The following TEC variants were observed in gnomAD, a reference collection of about 807,000 sequenced individuals.
TEC encodes the protein tyrosine-protein kinase Tec.
In TEC, 72 loss-of-function variants were observed where a neutral mutation model predicts 93.0. That is an observed-to-expected ratio of 0.77 (90% CI 0.64 to 0.94). The LOEUF (loss-of-function observed/expected upper bound fraction) is 0.94. Among genes scored for constraint, TEC ranks in the 40% least tolerant of loss-of-function variants. TEC has a pLI of 0.00. For synonymous variants in TEC, 249 were observed against 247.7 expected (o/e 1.01, Z -0.05); for missense variants, 630 against 757.9 (o/e 0.83, Z 1.98).
intron 2 of TEC, among the ~76,000 whole-genome samples, chr4:48,207,357 C>T (rs887670403): frequency 6.6e-6 from 1 of 152,160 alleles, no homozygotes; most frequent in Non-Finnish European, 1.5e-5. Context: ...TGGGATACTG[C>T]TTGTAACTAC....
At chr4:48,186,831 A>C (rs1382536837) in intron 2 of TEC, among the ~76,000 whole-genome samples, 1 of 133,014 alleles carries the variant, frequency 7.5e-6, no homozygotes, top group Non-Finnish European at 1.6e-5. Flanking sequence ...GCCTCCGCCC[A>C]CCCACTGCCC....
intron 2 of TEC, among the ~76,000 whole-genome samples, chr4:48,226,053 G>A (rs891988769): frequency 1.3e-5 from 2 of 152,238 alleles, no homozygotes; most frequent in African/African-American, 4.8e-5. Flanking sequence ...GCAAGATGGT[G>A]AGCGAGGTTC....
In TEC at chr4:48,176,194, A is replaced by G; in HGVS notation, c.139-8T>C. 1 of 1,588,410 alleles carries G rather than the reference A, an allele frequency of 6.3e-7. No homozygotes were observed. Among genetic ancestry groups the G allele is most frequent in the Non-Finnish European group, 8.6e-7 (1 of 1,158,650 alleles). On this transcript the variant is annotated splice_polypyrimidine_tract_variant and splice_region_variant and intron_variant, in intron 2 of 17. Transcript: ENST00000381501. ...CCCCTTTCTGTATTTCTTCTGTTAA[A>G]AGAAAAAAAGGAGAAACATTAGAAT...
At chr4:48,167,032 T>C (rs1430281115) in intron 7 of TEC, among the ~76,000 whole-genome samples, 2 of 151,794 alleles carry the variant, frequency 1.3e-5, no homozygotes, top group African/African-American at 2.4e-5. Flanking sequence ...GAACTCAGAG[T>C]ATAAGTGGGA....
chr4:48,179,362 ATATATATATATATATTTTTT>A (rs1577726634), intron 2 of TEC, among the ~76,000 whole-genome samples: 2 of 39,444 alleles, frequency 5.1e-5, no homozygotes, highest in African/African-American at 1.9e-4. Flanking sequence ...ATATATATAT[ATATATATATATATATTTTTT>A]TTTTTTTTTT....
At chr4:48,141,688 T>TC (rs1719678737) in intron 14 of TEC, 1 of 246,722 alleles carries the variant, frequency 4.1e-6, no homozygotes, top group African/African-American at 2.5e-5. Flanking sequence ...TTTCTTTCTT[T>TC]TTTTTTTTTT....
intron 1 of TEC, among the ~76,000 whole-genome samples, chr4:48,243,563 A>T (rs1377186257): frequency 6.6e-6 from 1 of 152,240 alleles, no homozygotes; most frequent in East Asian, 1.9e-4. Context: ...CTAACTGAAC[A>T]CCTGCTAAAT....
intron 2 of TEC, among the ~76,000 whole-genome samples, chr4:48,189,390 G>C (rs1464932414): frequency 6.6e-6 from 1 of 152,170 alleles, no homozygotes; most frequent in African/African-American, 2.4e-5. Flanking sequence ...ACCCCATAAA[G>C]GTTACACACA....
chr4:48,227,592 G>A lies in TEC; in HGVS notation c.138+885C>T, dbSNP rs561176295. On this transcript the variant is annotated intron_variant, in intron 2 of 17. Transcript: ENST00000381501. ...CAGGAGATGGAGGTTACTGTGAGCCGAGATCGCATCACTGCACTCCAGCCT... is the reference window on the plus strand; with the variant it reads ...CAGGAGATGGAGGTTACTGTGAGCCAAGATCGCATCACTGCACTCCAGCCT... Among the ~76,000 whole-genome samples, 7 of 143,588 alleles carry A rather than the reference G, an allele frequency of 4.9e-5. No homozygotes were observed. The South Asian group carries it at 1.3e-3, about 28-fold the overall frequency. 94.2% of individuals were successfully genotyped at this position (143,588 alleles called of 152,430 possible). A position where few individuals can be genotyped will look rare whatever the true frequency, so the allele number is the denominator to read the frequency against.
intron 1 of TEC, among the ~76,000 whole-genome samples, chr4:48,269,114 G>C (rs187666981): frequency 6.6e-6 from 1 of 152,118 alleles, no homozygotes; most frequent in Non-Finnish European, 1.5e-5. Context: ...CGGGGTATTG[G>C]GGGGGTGGGG....
At chr4:48,176,230 A>G in intron 2 of TEC, 44 bp from the exon 3 acceptor site, 1 of 1,454,754 alleles carries the variant, frequency 6.9e-7, no homozygotes, top group Non-Finnish European at 9.5e-7. Context: ...CATAAGACAT[A>G]AAAAAATTAA....
intron 9 of TEC, among the ~76,000 whole-genome samples, chr4:48,152,026 A>G (rs1720191866): frequency 6.6e-6 from 1 of 152,224 alleles, no homozygotes; most frequent in Admixed American, 6.5e-5. Flanking sequence ...GAAAAATAAA[A>G]TAAATTGTAC....
At chr4:48,163,012 G>A (rs766572509) in intron 8 of TEC, among the ~76,000 whole-genome samples, 3 of 151,770 alleles carry the variant, frequency 2.0e-5, no homozygotes, top group Non-Finnish European at 4.4e-5. Flanking sequence ...GAAACAAGAC[G>A]TTATCCCATT....
intron 1 of TEC, among the ~76,000 whole-genome samples, chr4:48,265,406 T>TATATATATAC (rs1724607745): frequency 6.7e-6 from 1 of 148,338 alleles, no homozygotes; most frequent in African/African-American, 2.5e-5. Context: ...TATATGTATA[T>TATATATATAC]ATATACACAC....
chr4:48,242,932 T>C (rs1036040977), intron 1 of TEC, among the ~76,000 whole-genome samples: 18 of 152,198 alleles, frequency 1.2e-4, no homozygotes, highest in African/African-American at 4.3e-4. Flanking sequence ...GTGATATCTG[T>C]AAGATTAATG....
chr4:48,169,768 T>A (rs1324944820), intron 5 of TEC, among the ~76,000 whole-genome samples: 1 of 152,228 alleles, frequency 6.6e-6, no homozygotes, highest in Non-Finnish European at 1.5e-5. Context: ...AAATTAACCT[T>A]AGACATTGTT....
chr4:48,213,493 T>A (rs1239051920), intron 2 of TEC, among the ~76,000 whole-genome samples: 1 of 152,154 alleles, frequency 6.6e-6, no homozygotes, highest in Non-Finnish European at 1.5e-5. Context: ...AACTAAAAGG[T>A]AATAACATCA....
intron 14 of TEC, among the ~76,000 whole-genome samples, chr4:48,144,706 G>A (rs1719831655): frequency 6.6e-6 from 1 of 152,150 alleles, no homozygotes; most frequent in Non-Finnish European, 1.5e-5. Context: ...TAGTTAGAAA[G>A]TCAAGGCCAA....
intron 2 of TEC, among the ~76,000 whole-genome samples, chr4:48,184,627 GCAC>G (rs1279983389): frequency 1.3e-5 from 2 of 151,930 alleles, no homozygotes; most frequent in African/African-American, 4.8e-5. Context: ...GCCTCATTTT[GCAC>G]CACTGAATTG....
Sources: gnomAD v4.1 joint callset for allele counts (sites outside exome capture counted in the v4.1 genomes callset) on GRCh38, gnomAD v4.1.1 for gene constraint, MANE v1.5 for transcripts, NCBI Gene and HGNC (gene_info 2026-07-23, HGNC 2026-07-21) for gene names.